NOCT: variants seen among roughly 807,000 people sequenced by gnomAD.
NOCT encodes nocturnin.
In NOCT, 18 loss-of-function variants were observed where a neutral mutation model predicts 35.0. The observed-to-expected ratio is 0.51, with a 90% CI of 0.36 to 0.76. NOCT has a LOEUF of 0.76. NOCT is among the 30% of genes least tolerant of loss of function. The pLI is 0.01. For synonymous variants in NOCT, 235 were observed against 226.3 expected (o/e 1.04, Z -0.34); for missense variants, 479 against 541.0 (o/e 0.89, Z 1.14).
chr4:139,045,498 C>G lies in NOCT; in HGVS notation c.*24C>G, dbSNP rs577215676. 38 of 783,438 alleles carry G rather than the reference C, an allele frequency of 4.9e-5. No individual in the cohort carries two copies. The Admixed American group carries it at 9.9e-4, about 20-fold the overall frequency. 48.5% of individuals were successfully genotyped at this position (783,438 alleles called of 1,614,324 possible). On this transcript the variant is annotated 3_prime_UTR_variant, in exon 3 of 3. Transcript: ENST00000280614. ...AAATACTTGCTTTTGTCTTTTTAATCACAGGAGTCTATTTTTTTTTTTTTT... is the reference window on the plus strand; with the variant it reads ...AAATACTTGCTTTTGTCTTTTTAATGACAGGAGTCTATTTTTTTTTTTTTT...
chr4:139,035,556 C>T (rs1328509910), intron 1 of NOCT, among the ~76,000 whole-genome samples: 5 of 152,212 alleles, frequency 3.3e-5, no homozygotes, highest in Admixed American at 6.5e-5. Flanking sequence ...CCAGTTCACC[C>T]CTGCTGTCTC....
At chr4:139,040,301 A>G (rs552144084) in intron 1 of NOCT, among the ~76,000 whole-genome samples, 4 of 151,714 alleles carry the variant, frequency 2.6e-5, no homozygotes, top group Non-Finnish European at 4.4e-5. Context: ...CGGCCTCCCA[A>G]AGTGCTGGGA....
intron 2 of NOCT, 86 bp downstream of exon 2, chr4:139,043,429 G>A (rs1560735013): frequency 3.0e-6 from 4 of 1,353,758 alleles, no homozygotes; most frequent in Non-Finnish European, 4.2e-6. Flanking sequence ...ACTGTTTTAT[G>A]TGGAAGGAAG....
chr4:139,025,043 A>G (rs902065741), intron 1 of NOCT, among the ~76,000 whole-genome samples: 14 of 152,016 alleles, frequency 9.2e-5, no homozygotes, highest in African/African-American at 3.4e-4. Context: ...CTTCAGTCCA[A>G]CCCCTTCCCC....
chr4:139,034,917 G>C (rs749228118), intron 1 of NOCT, among the ~76,000 whole-genome samples: 6 of 152,124 alleles, frequency 3.9e-5, no homozygotes, highest in Non-Finnish European at 5.9e-5. Flanking sequence ...AGATTTCCCA[G>C]ATCTCAATCT....
At chr4:139,027,780 G>A (rs1005754322) in intron 1 of NOCT, among the ~76,000 whole-genome samples, 2 of 152,162 alleles carry the variant, frequency 1.3e-5, no homozygotes, top group Non-Finnish European at 2.9e-5. Flanking sequence ...TTACAGGCTT[G>A]AGCCAACGCG....
chr4:139,038,526 A>G (rs566986955), intron 1 of NOCT, among the ~76,000 whole-genome samples: 1 of 152,312 alleles, frequency 6.6e-6, no homozygotes, highest in Non-Finnish European at 1.5e-5. Flanking sequence ...CGCAAAAACT[A>G]GATCCCCCTA....
chr4:139,041,051 TG>T (rs1245538728), intron 1 of NOCT, among the ~76,000 whole-genome samples: 3 of 152,248 alleles, frequency 2.0e-5, no homozygotes, highest in Non-Finnish European at 2.9e-5. Context: ...TGTATATGTG[TG>T]TATTTGTGGG....
chr4:139,029,759 C>T (rs1281866764), intron 1 of NOCT, among the ~76,000 whole-genome samples: 3 of 152,104 alleles, frequency 2.0e-5, no homozygotes, highest in Non-Finnish European at 4.4e-5. Context: ...GTCATATAAG[C>T]CCACATCATG....
rs774036513 is a variant in NOCT at position 139,044,963 on chromosome 4, C to G, written c.785C>G (p.Thr262Ser). ...AGGCTGACAGCCATGACATTGAAAA[C>G]CAACCAGGTGGCCATTGCACAGACC... ...NIRLTAMTLK[T>S]NQVAIAQTLE... The change falls in exon 3 of 3, where the codon ACC becomes AGC. Residue 262 changes from threonine (T) to serine (S), a missense_variant. Thr to Ser is a moderately conservative substitution (Grantham distance 58, BLOSUM62 1). This residue lies in a region of NOCT where 214 missense variants were observed against 284.0 expected (regional missense o/e 0.75). Coordinates refer to ENST00000280614, the MANE Select transcript of NOCT (RefSeq NM_012118.4). 6.2e-7 allele frequency: 1 copy of G among 1,614,218 alleles called. No individual in the cohort carries two copies. The highest frequency in any genetic ancestry group is 8.5e-7 in the Non-Finnish European group (1 of 1,180,044).
intron 1 of NOCT, among the ~76,000 whole-genome samples, chr4:139,040,152 C>A (rs1293908891): frequency 3.3e-5 from 5 of 151,754 alleles, no homozygotes; most frequent in African/African-American, 1.2e-4. Flanking sequence ...CCTGCCTCAG[C>A]CTCCGAAGCA....
chr4:139,045,621 A>C lies in NOCT; in HGVS notation c.*147A>C. On this transcript the variant is annotated 3_prime_UTR_variant, in exon 3 of 3. Transcript: ENST00000280614. ...AAGATCCGCCTCCCGGGTTCATGGC[A>C]TTCTCCTGCCTCAGCCTCCAGAGCA... is the stretch of plus-strand genomic sequence containing the variant. 1 of 519,920 alleles carries C rather than the reference A, an allele frequency of 1.9e-6. No homozygotes were observed. Among genetic ancestry groups the C allele is most frequent in the Non-Finnish European group, 3.3e-6 (1 of 306,674 alleles). 32.2% of individuals were successfully genotyped at this position (519,920 alleles called of 1,614,324 possible).
In NOCT at chr4:139,016,954, T is replaced by C. The variant is rs1193531563; in HGVS notation, c.190+783T>C. On this transcript the variant is annotated intron_variant, in intron 1 of 2. Coordinates refer to ENST00000280614, the MANE Select transcript of NOCT (RefSeq NM_012118.4). ...AGGCGTGAGCCACCGCGCTCGGCCA[T>C]TTTACGTTTCTTTGGATTTTTTTTT... Among the ~76,000 whole-genome samples, 3 of 141,468 alleles carry C rather than the reference T, an allele frequency of 2.1e-5. No homozygotes were observed. The East Asian group carries it at 6.3e-4, about 30-fold the overall frequency. The allele number at this position is 141,468 out of a possible 152,430, so 92.8% of individuals were successfully genotyped here. A position where few individuals can be genotyped will look rare whatever the true frequency, so the allele number is the denominator to read the frequency against.
In NOCT at chr4:139,043,265, G is replaced by T; in HGVS notation, c.382G>T (p.Asp128Tyr). Residue 128 changes from aspartate (D) to tyrosine (Y), a missense_variant, in exon 2 of 3, where the codon GAT becomes TAT. By Grantham distance (160) the Asp-to-Tyr change is radical. Coordinates refer to ENST00000280614, the MANE Select transcript of NOCT (RefSeq NM_012118.4). ...CACCCGACCTCCCCGGTTCCAGAGG[G>T]ATTTTGTGGATCTGAGGACAGATTG... ...LHTRPPRFQRDFVDLRTDCPS... is the reference protein window; with the variant it reads ...LHTRPPRFQRYFVDLRTDCPS... The T allele has an allele frequency of 6.2e-7, 1 of 1,614,162 alleles. No individual in the cohort carries two copies. The highest frequency in any genetic ancestry group is 2.2e-5 in the East Asian group (1 of 44,870).
At position 139,026,635 on chromosome 4, in the gene NOCT, C is replaced by T. The variant is rs186841853; in HGVS notation, c.190+10464C>T. ...GCACGATCTCGGCTCACTGCAAACT[C>T]CACCTGCTGGGTTCAAGTTATTCTC... On this transcript the variant is annotated intron_variant, in intron 1 of 2. Coordinates refer to ENST00000280614, the MANE Select transcript of NOCT (RefSeq NM_012118.4). 9.0e-3 allele frequency among the ~76,000 whole-genome samples: 1,363 copies of T among 151,838 alleles called. 15 individuals are homozygous for T. The highest frequency in any genetic ancestry group is 0.031 in the African/African-American group (1,279 of 41,366).
chr4:139,025,289 A>G (rs1042756673), intron 1 of NOCT, among the ~76,000 whole-genome samples: 3 of 151,774 alleles, frequency 2.0e-5, no homozygotes, highest in African/African-American at 7.3e-5. Context: ...CCTAACAGTT[A>G]CCCCCTCAGC....
At chr4:139,043,480 C>T in intron 2 of NOCT, 137 bp downstream of exon 2, 1 of 787,650 alleles carries the variant, frequency 1.3e-6, no homozygotes, top group Non-Finnish European at 2.1e-6. Flanking sequence ...GCATGGAGAG[C>T]TCCTAGAAGA....
At chr4:139,033,065 C>CA (rs1435993785) in intron 1 of NOCT, among the ~76,000 whole-genome samples, 3 of 147,776 alleles carry the variant, frequency 2.0e-5, no homozygotes, top group Admixed American at 6.8e-5. Context: ...ACTCCATCTC[C>CA]AAAAAAAAAG....
At chr4:139,029,743 A>G (rs1175683197) in intron 1 of NOCT, among the ~76,000 whole-genome samples, 1 of 152,080 alleles carries the variant, frequency 6.6e-6, no homozygotes, top group Non-Finnish European at 1.5e-5. Context: ...GGATCTGGAA[A>G]TTCATGTCAT....
Sources: allele counts gnomAD v4.1 joint callset (sites outside exome capture counted in the v4.1 genomes callset), GRCh38; gene constraint gnomAD v4.1.1; regional missense constraint gnomAD v4.1.1; transcripts MANE v1.5; gene names NCBI Gene and HGNC (gene_info 2026-07-23, HGNC 2026-07-21).